Variants in NCAPD3 observed in about 807,000 individuals in gnomAD.
NCAPD3 encodes non-SMC condensin II complex subunit D3, also known as condensin-2 complex subunit D3.
In NCAPD3, 105 loss-of-function variants were observed where a neutral mutation model predicts 182.9. That is an observed-to-expected ratio of 0.57 (90% CI 0.49 to 0.68). The LOEUF (loss-of-function observed/expected upper bound fraction) is 0.68. Ranked by LOEUF, NCAPD3 falls within the 30% of genes least tolerant of loss-of-function variation. The pLI, the probability that NCAPD3 is intolerant of heterozygous loss-of-function variation, is 0.00. For missense variants in NCAPD3, 1,944 were observed against 1,837.0 expected (o/e 1.06, Z -1.07); for synonymous variants, 815 against 679.9 (o/e 1.20, Z -3.09).
In NCAPD3 at chr11:134,223,930, C is replaced by T. The variant is rs1290111169; in HGVS notation, c.-4G>A. On this transcript the variant is annotated 5_prime_UTR_variant, in exon 1 of 35. Transcript: ENST00000534548. ...CAAGGCCCCGCAACGCCACCATGAT[C>T]CCAGGGCACCGGCTCGCCGCCGCCG... The T allele has an allele frequency of 5.0e-6, 8 of 1,612,096 alleles. No individual in the cohort carries two copies. Among genetic ancestry groups the T allele is most frequent in the Non-Finnish European group, 6.8e-6 (8 of 1,179,690 alleles).
intron 34 of NCAPD3, 23 bp from the exon 35 acceptor site, chr11:134,153,075 C>T: frequency 6.2e-7 from 1 of 1,610,770 alleles, no homozygotes; most frequent in Non-Finnish European, 8.5e-7. Context: ...CATGTGCAGT[C>T]ATTCTGGAAC....
chr11:134,208,874 T>C lies in NCAPD3; in HGVS notation c.872A>G (p.Glu291Gly), dbSNP rs1937716274. ...LYLLCSPIHG[E>G]GDKVISCVFH... ...TCTCATCTCCTTTACCTTATCTCCT[T>C]CTCCATGAATGGGAGAGCACAGCAA... Residue 291 changes from glutamate to glycine, a missense_variant, in exon 7 of 35, where the codon GAA (glutamate) becomes GGA (glycine). Physicochemically the swap from Glu to Gly is moderately conservative, Grantham distance 98. This residue lies in a region of NCAPD3 where 1,803 missense variants were observed against 1,674.6 expected (regional missense o/e 1.08). Coordinates refer to ENST00000534548, the MANE Select transcript of NCAPD3 (RefSeq NM_015261.3). The C allele has an allele frequency of 1.2e-6, 2 of 1,611,774 alleles. No homozygotes were observed. The highest frequency in any genetic ancestry group is 8.5e-7 in the Non-Finnish European group (1 of 1,178,844).
At chr11:134,206,384 G>A (rs1937616379) in intron 8 of NCAPD3, among the ~76,000 whole-genome samples, 2 of 152,176 alleles carry the variant, frequency 1.3e-5, no homozygotes, top group South Asian at 4.1e-4. Context: ...CCCGTGTTCT[G>A]CAGATTCCTA....
chr11:134,205,586 A>G (rs1379109928), intron 8 of NCAPD3, among the ~76,000 whole-genome samples: 2 of 152,054 alleles, frequency 1.3e-5, no homozygotes, highest in Non-Finnish European at 2.9e-5. Flanking sequence ...CATGTTGGCC[A>G]GGCTCGTCTT....
rs547552533 is a variant in NCAPD3 at position 134,153,055 on chromosome 11, A to G, written c.4389-3T>C. The G allele has an allele frequency of 8.1e-6, 13 of 1,605,892 alleles. No homozygotes were observed. The South Asian group carries it at 1.3e-4, about 16-fold the overall frequency. ...TCCACTGCTGAGGCTGTGGGGGCCT[A>G]GGGAAAGGACATGTGCAGTCATTCT... On this transcript the variant is annotated splice_polypyrimidine_tract_variant and splice_region_variant and intron_variant, in intron 34 of 34. Coordinates refer to ENST00000534548, the MANE Select transcript of NCAPD3 (RefSeq NM_015261.3).
At chr11:134,220,090 G>A (rs148934199) in intron 2 of NCAPD3, among the ~76,000 whole-genome samples, 7 of 152,006 alleles carry the variant, frequency 4.6e-5, no homozygotes, top group East Asian at 1.9e-4. Flanking sequence ...CACCATGCCT[G>A]GTCGCAGATT....
intron 3 of NCAPD3, among the ~76,000 whole-genome samples, chr11:134,212,523 T>G (rs186270507): frequency 3.9e-5 from 6 of 152,104 alleles, no homozygotes; most frequent in African/African-American, 1.4e-4. Context: ...GCCTCCTGAG[T>G]AGCATGCGTT....
chr11:134,223,756 GCGCCCCCACCC>G (rs1565563643), intron 1 of NCAPD3, 96 bp downstream of exon 1: 21 of 1,352,406 alleles, frequency 1.6e-5, no homozygotes, highest in East Asian at 2.5e-5. Context: ...CGACAGCCGG[GCGCCCCCACCC>G]CGCCCCCACC....
chr11:134,205,480 A>G (rs892187949), intron 8 of NCAPD3, among the ~76,000 whole-genome samples: 7 of 151,856 alleles, frequency 4.6e-5, no homozygotes, highest in African/African-American at 7.3e-5. Flanking sequence ...ACCGGGTTCA[A>G]GAGTTTCTCC....
At chr11:134,203,303 G>A in intron 11 of NCAPD3, 105 bp from the exon 12 acceptor site, 2 of 865,960 alleles carry the variant, frequency 2.3e-6, no homozygotes, top group Non-Finnish European at 3.7e-6. Context: ...AGACAAGGCA[G>A]ACAGATTCTA....
chr11:134,212,357 A>G (rs1937864690), intron 3 of NCAPD3, among the ~76,000 whole-genome samples: 1 of 140,232 alleles, frequency 7.1e-6, no homozygotes, highest in Admixed American at 6.9e-5. Flanking sequence ...GAGAAAGGAA[A>G]ATATACTTTT....
In NCAPD3 at chr11:134,220,617, A is replaced by G. The variant is rs1938191573; in HGVS notation, c.174T>C (p.Tyr58=). ...ETGLAAFTKL[Y]ESLLPFATGE... is the part of the protein sequence containing the mutation. ...CAGTAGCAAAGGGTAAAAGGCTTTC[A>G]TAGAGTTTTGTGAATGCAGCCAATC... The change falls in exon 2 of 35, where the codon TAT becomes TAC. Residue 58 remains tyrosine (Y), a synonymous_variant. Transcript: ENST00000534548. 6.2e-7 allele frequency: 1 copy of G among 1,614,022 alleles called. No homozygotes were observed. Among genetic ancestry groups the G allele is most frequent in the Non-Finnish European group, 8.5e-7 (1 of 1,179,984 alleles).
intron 27 of NCAPD3, among the ~76,000 whole-genome samples, chr11:134,162,516 C>T (rs1254189943): frequency 6.6e-6 from 1 of 152,168 alleles, no homozygotes; most frequent in Non-Finnish European, 1.5e-5. Context: ...ACTATAGTAG[C>T]CCACATATGC....
chr11:134,174,156 C>T (rs1030620519), intron 24 of NCAPD3, among the ~76,000 whole-genome samples: 6 of 151,878 alleles, frequency 4.0e-5, no homozygotes, highest in East Asian at 1.9e-4. Context: ...TTTGGAAGGC[C>T]GAGGTGGGTA....
rs1449847183 is a variant in NCAPD3, at chr11:134,204,665, C to T, written c.1089+234G>A. On this transcript the variant is annotated intron_variant, in intron 9 of 34. Transcript: ENST00000534548. This position sits in a 1 kb window ranked among gnomAD's most constrained non-coding sequence, Gnocchi z 4.3. ...GTGGTGGTTCACCAGCCTATTTTCC[C>T]TGTTTCTGTGTGTATGTTCAACATT... Among the ~76,000 whole-genome samples the T allele has an allele frequency of 1.3e-5, 2 of 152,104 alleles. No individual in the cohort carries two copies. Among genetic ancestry groups the T allele is most frequent in the African/African-American group, 4.8e-5 (2 of 41,414 alleles).
chr11:134,190,300 A>G (rs1369065064), intron 16 of NCAPD3, among the ~76,000 whole-genome samples: 2 of 152,152 alleles, frequency 1.3e-5, no homozygotes, highest in Non-Finnish European at 1.5e-5. Flanking sequence ...AGCTCATCCT[A>G]CATACTTTTT....
chr11:134,201,079 C>A (rs1055186507), intron 13 of NCAPD3, among the ~76,000 whole-genome samples: 4 of 144,068 alleles, frequency 2.8e-5, no homozygotes, highest in African/African-American at 1.0e-4. Context: ...GGCTGGAGTG[C>A]GGTGGCGCAA....
At chr11:134,167,118 CACTT>C (rs1235622489) in intron 27 of NCAPD3, among the ~76,000 whole-genome samples, 4 of 125,636 alleles carry the variant, frequency 3.2e-5, no homozygotes, top group Admixed American at 7.8e-5. Flanking sequence ...GCTGCACACT[CACTT>C]GTGAGATGAG....
At chr11:134,153,443 G>A in intron 32 of NCAPD3, 80 bp from the exon 33 acceptor site, 3 of 1,420,440 alleles carry the variant, frequency 2.1e-6, no homozygotes, top group East Asian at 2.3e-5. Context: ...GTGGGACGTA[G>A]GCAGGGTGTC....
Sources: allele counts gnomAD v4.1 joint callset (sites outside exome capture counted in the v4.1 genomes callset), GRCh38; gene constraint gnomAD v4.1.1; regional missense constraint gnomAD v4.1.1; non-coding constraint Gnocchi (gnomAD v3.1); transcripts MANE v1.5; gene names NCBI Gene and HGNC (gene_info 2026-07-23, HGNC 2026-07-21).